The following RBFOX1 variants were observed in gnomAD, a reference collection of about 807,000 sequenced individuals.
The protein encoded by RBFOX1 is RNA binding fox-1 homolog 1.
In RBFOX1, 8 loss-of-function variants were observed where a neutral mutation model predicts 57.7. The observed-to-expected ratio is 0.14, with a 90% confidence interval of 0.08 to 0.25. The LOEUF is 0.25. Among genes scored for constraint, RBFOX1 ranks in the 10% least tolerant of loss-of-function variants. The pLI is 1.00. For synonymous variants in RBFOX1, 326 were observed against 222.4 expected (o/e 1.47, Z -4.15); for missense variants, 611 against 548.5 (o/e 1.11, Z -1.14).
chr16:5,787,192 G>T (rs892843329), intron 3 of RBFOX1, among the ~76,000 whole-genome samples: 1 of 152,132 alleles, frequency 6.6e-6, no homozygotes, highest in Non-Finnish European at 1.5e-5. Flanking sequence ...AGAAGACTTT[G>T]TAATGACTCC....
intron 4 of RBFOX1, among the ~76,000 whole-genome samples, chr16:7,499,367 A>G (rs2069847928): frequency 6.6e-6 from 1 of 152,122 alleles, no homozygotes; most frequent in African/African-American, 2.4e-5. Context: ...CCTGCTCGCT[A>G]CTCAGGCATG....
chr16:6,300,545 C>T (rs896497611), intron 1 of RBFOX1, among the ~76,000 whole-genome samples: 16 of 152,170 alleles, frequency 1.1e-4, no homozygotes, highest in East Asian at 1.9e-4. Flanking sequence ...AAGTATTTAG[C>T]GGAGTACTCA....
At chr16:7,345,358 C>T (rs1254899704) in intron 4 of RBFOX1, among the ~76,000 whole-genome samples, 1 of 152,182 alleles carries the variant, frequency 6.6e-6, no homozygotes, top group Non-Finnish European at 1.5e-5. Context: ...GTGAAATTGA[C>T]ATGGACCGTC....
intron 3 of RBFOX1, among the ~76,000 whole-genome samples, chr16:6,866,959 C>T (rs2060042447): frequency 6.7e-6 from 1 of 149,220 alleles, no homozygotes; most frequent in Admixed American, 6.7e-5. Flanking sequence ...ATCTAAAGGT[C>T]ATACTGTTTT....
At chr16:7,192,262 T>G (rs996563203) in intron 4 of RBFOX1, among the ~76,000 whole-genome samples, 3 of 152,232 alleles carry the variant, frequency 2.0e-5, no homozygotes, top group Non-Finnish European at 4.4e-5. Context: ...TGATGTTTTG[T>G]GCAAGGAGAG....
chr16:7,094,771 T>TGTGTGTGG (rs945776849), intron 4 of RBFOX1, among the ~76,000 whole-genome samples: 5 of 140,844 alleles, frequency 3.6e-5, no homozygotes. Context: ...TGTGTGTGTG[T>TGTGTGTGG]GTGTGGGTGT....
At chr16:6,218,543 C>T (rs12925523) in intron 1 of RBFOX1, among the ~76,000 whole-genome samples, 141,477 of 152,082 alleles carry the variant, frequency 0.93, 66,628 homozygotes, top group East Asian at 1. Flanking sequence ...CTCCTGGCCT[C>T]AAGTGATCCT....
At chr16:5,306,906 G>T (rs908844499) in intron 1 of RBFOX1, among the ~76,000 whole-genome samples, 2 of 152,180 alleles carry the variant, frequency 1.3e-5, no homozygotes, top group African/African-American at 4.8e-5. Context: ...TCTAAGTCAA[G>T]GAGAATCATG....
At chr16:5,904,191 G>A (rs754399660) in intron 4 of RBFOX1, among the ~76,000 whole-genome samples, 1 of 152,104 alleles carries the variant, frequency 6.6e-6, no homozygotes, top group Non-Finnish European at 1.5e-5. Flanking sequence ...ACAGTGATTA[G>A]ATCCTGCCCG....
chr16:6,615,064 G>A (rs1285706992), intron 2 of RBFOX1, among the ~76,000 whole-genome samples: 3 of 152,174 alleles, frequency 2.0e-5, no homozygotes, highest in East Asian at 1.9e-4. Context: ...TGCTGCAGAC[G>A]AGGGCCATGT....
intron 4 of RBFOX1, among the ~76,000 whole-genome samples, chr16:5,915,800 C>G (rs1028984100): frequency 1.3e-5 from 2 of 152,026 alleles, no homozygotes; most frequent in Non-Finnish European, 2.9e-5. Flanking sequence ...CCACGGCACT[C>G]CAGCCTGGGT....
intron 3 of RBFOX1, among the ~76,000 whole-genome samples, chr16:5,660,320 T>TC (rs983668990): frequency 1.8e-4 from 28 of 152,330 alleles, no homozygotes; most frequent in African/African-American, 6.7e-4. Context: ...CAGGTCCTCC[T>TC]CATTGCACTC....
chr16:5,338,442 G>C (rs2064953185), intron 1 of RBFOX1, among the ~76,000 whole-genome samples: 1 of 152,184 alleles, frequency 6.6e-6, no homozygotes, highest in Non-Finnish European at 1.5e-5. Context: ...TTTGCAGAGA[G>C]AAAATGAAGA....
chr16:5,979,570 T>G (rs978450917), intron 4 of RBFOX1, among the ~76,000 whole-genome samples: 1 of 152,130 alleles, frequency 6.6e-6, no homozygotes, highest in African/African-American at 2.4e-5. Flanking sequence ...ACGTAGAAAT[T>G]AAAATGCAGC....
At chr16:7,373,554 G>A (rs1596747141) in intron 4 of RBFOX1, among the ~76,000 whole-genome samples, 1 of 152,290 alleles carries the variant, frequency 6.6e-6, no homozygotes, top group African/African-American at 2.4e-5. Flanking sequence ...CTAAAAGAGA[G>A]TGCCCGGGCA....
intron 3 of RBFOX1, among the ~76,000 whole-genome samples, chr16:6,985,255 A>C (rs759892054): frequency 6.6e-6 from 1 of 151,760 alleles, no homozygotes; most frequent in Non-Finnish European, 1.5e-5. Context: ...TACATGCCAC[A>C]TATTGGTAGG....
Position 6,589,739 on chromosome 16 carries a change from C to G in RBFOX1, c.-63-64864C>G, listed in dbSNP as rs143678028. ...GGGATTGTTTGGGGAAAGGGCTGTT[C>G]TCATCTTTGTTTCAAAATTAAACTA... On this transcript the variant is annotated intron_variant, in intron 2 of 15. Coordinates refer to ENST00000550418, the MANE Select transcript of RBFOX1 (RefSeq NM_018723.4). 2.0e-5 allele frequency among the ~76,000 whole-genome samples: 3 copies of G among 152,280 alleles called. No homozygotes were observed. The East Asian group carries it at 5.8e-4, about 29-fold the overall frequency.
At chr16:5,981,050 G>A (rs1199192697) in intron 4 of RBFOX1, among the ~76,000 whole-genome samples, 1 of 152,178 alleles carries the variant, frequency 6.6e-6, no homozygotes, top group South Asian at 2.1e-4. Flanking sequence ...CCCAGGCTAC[G>A]TTCCTCTTGA....
Position 6,907,286 on chromosome 16 carries a change from T to A in RBFOX1, c.-15-144771T>A, listed in dbSNP as rs574947800. Among the ~76,000 whole-genome samples, 10 of 152,286 alleles carry A rather than the reference T, an allele frequency of 6.6e-5. No homozygotes were observed. The South Asian group carries it at 1.9e-3, about 28-fold the overall frequency. ...TGTAGTGCTGACAGTGAGAGTCATC[T>A]TTACCGATGTGCCTCCTTCAGTATT... On this transcript the variant is annotated intron_variant, in intron 3 of 15. Transcript: ENST00000550418.
Sources: gnomAD v4.1 joint callset for allele counts (sites outside exome capture counted in the v4.1 genomes callset) on GRCh38, gnomAD v4.1.1 for gene constraint, MANE v1.5 for transcripts, NCBI Gene and HGNC (gene_info 2026-07-23, HGNC 2026-07-21) for gene names.